SLCO1B3: variants seen among roughly 807,000 people sequenced by gnomAD.
The protein encoded by SLCO1B3 is solute carrier organic anion transporter family member 1B3.
SLCO1B3 carries 72 observed loss-of-function variants against 71.8 expected under a neutral mutation model. The ratio of observed to expected loss-of-function variants is 1.00; its 90% CI spans 0.83 to 1.22. SLCO1B3 has a LOEUF of 1.22. SLCO1B3 is among the 50% of genes most tolerant of loss of function. The pLI, the probability that SLCO1B3 is intolerant of heterozygous loss-of-function variation, is 0.00. For missense variants in SLCO1B3, 911 were observed against 819.7 expected, an observed-to-expected ratio of 1.11 and a Z score of -1.36; for synonymous variants, 298 against 278.4, an observed-to-expected ratio of 1.07 and a Z score of -0.70.
At chr12:20,876,872 C>T (rs1865590504) in intron 9 of SLCO1B3, among the ~76,000 whole-genome samples, 1 of 151,934 alleles carries the variant, frequency 6.6e-6, no homozygotes, top group Non-Finnish European at 1.5e-5. Flanking sequence ...GCTCTGTCAC[C>T]CAGGCTGGAG....
In SLCO1B3 at chr12:20,868,004, C is replaced by T. The variant is rs538210455; in HGVS notation, c.727+5150C>T. Among the ~76,000 whole-genome samples, 30 of 152,242 alleles carry T rather than the reference C, an allele frequency of 2.0e-4. No individual in the cohort carries two copies. In the South Asian group the frequency reaches 4.6e-3, roughly 23 times the overall value. ...GTGAAGAGATGAGGATGATGAAAAG[C>T]GTTATGATGACCCACTTCCACTTAA... On this transcript the variant is annotated intron_variant, in intron 8 of 15. Coordinates refer to ENST00000381545, the MANE Select transcript of SLCO1B3 (RefSeq NM_019844.4).
intron 3 of SLCO1B3, among the ~76,000 whole-genome samples, chr12:20,825,390 T>G (rs1281870089): frequency 1.3e-5 from 2 of 152,158 alleles, no homozygotes; most frequent in African/African-American, 2.4e-5. Context: ...ATGCAGTTTA[T>G]TTTGATTATC....
chr12:20,821,969 G>T (rs1239629422), intron 3 of SLCO1B3, among the ~76,000 whole-genome samples: 1 of 152,104 alleles, frequency 6.6e-6, no homozygotes, highest in Admixed American at 6.5e-5. Flanking sequence ...GTGGTGTCAA[G>T]ATTGAAAGGA....
chr12:20,898,842 C>A lies in SLCO1B3; in HGVS notation c.1747+342C>A, dbSNP rs1053768516. On this transcript the variant is annotated intron_variant, in intron 14 of 15. Transcript: ENST00000381545. The stretch of plus-strand genomic sequence containing the variant: ...TCCCAGGTATACGCAGAGTGGAGGA[C>A]CTTCCTTCCAAATGGAGACATTACT... 1.1e-4 allele frequency among the ~76,000 whole-genome samples: 16 copies of A among 152,246 alleles called. 1 individual carries two copies. Among genetic ancestry groups the A allele is most frequent in the East Asian group, 7.7e-4 (4 of 5,164 alleles).
At chr12:20,880,711 AC>A (rs769665509) in intron 11 of SLCO1B3, 143 bp from the exon 12 acceptor site, 99 of 514,502 alleles carry the variant, frequency 1.9e-4, no homozygotes, top group Middle Eastern at 1.1e-3. Flanking sequence ...TTAAAGGAAA[AC>A]CCTTTCTCTT....
chr12:20,831,168 C>G (rs913430923), intron 3 of SLCO1B3, among the ~76,000 whole-genome samples: 9 of 151,868 alleles, frequency 5.9e-5, no homozygotes, highest in African/African-American at 2.2e-4. Context: ...ACCAGCCTGG[C>G]CAGTATGATG....
chr12:20,841,514 C>CTGCCATAA (rs77656478), intron 3 of SLCO1B3, among the ~76,000 whole-genome samples: 109,872 of 151,816 alleles, frequency 0.72, 42,334 homozygotes, highest in South Asian at 0.9. Flanking sequence ...CATAATTGCA[C>CTGCCATAA]TGTGGCAGAT....
chr12:20,862,020 C>T lies in SLCO1B3; in HGVS notation c.482-392C>T, dbSNP rs145677815. On this transcript the variant is annotated intron_variant, in intron 6 of 15. Coordinates refer to ENST00000381545, the MANE Select transcript of SLCO1B3 (RefSeq NM_019844.4). Reference sequence around the variant, plus strand: ...AACTATTATTCAACACACTACTATGCAGTAATTAAAATTTTAATATAGAAG... The same window carrying T: ...AACTATTATTCAACACACTACTATGTAGTAATTAAAATTTTAATATAGAAG... Among the ~76,000 whole-genome samples the T allele has an allele frequency of 2.5e-3, 377 of 152,082 alleles. 3 individuals are homozygous for T. Among genetic ancestry groups the T allele is most frequent in the African/African-American group, 8.3e-3 (346 of 41,510 alleles).
rs1422187774 is a variant in SLCO1B3, at chr12:20,849,821, C to T, written c.85-5207C>T. 3.3e-5 allele frequency among the ~76,000 whole-genome samples: 5 copies of T among 151,318 alleles called. No homozygotes were observed. In the East Asian group the frequency reaches 9.7e-4, roughly 29 times the overall value. On this transcript the variant is annotated intron_variant, in intron 3 of 15. Coordinates refer to ENST00000381545, the MANE Select transcript of SLCO1B3 (RefSeq NM_019844.4). ...GGAGTAAATCCATTTATCATAGCAT[C>T]TCAAAAATATATATAGGAACAAATT...
intron 3 of SLCO1B3, among the ~76,000 whole-genome samples, chr12:20,818,657 C>T (rs945759834): frequency 2.0e-5 from 3 of 152,074 alleles, no homozygotes; most frequent in African/African-American, 4.8e-5. Context: ...TAGATTTCTA[C>T]GATGGAAAGG....
chr12:20,865,459 G>A (rs529070574), intron 8 of SLCO1B3, among the ~76,000 whole-genome samples: 4 of 151,948 alleles, frequency 2.6e-5, no homozygotes, highest in Admixed American at 6.6e-5. Context: ...GTGTGTTTCC[G>A]TGTGTGTACG....
At chr12:20,831,213 C>T (rs548257341) in intron 3 of SLCO1B3, among the ~76,000 whole-genome samples, 6 of 151,948 alleles carry the variant, frequency 3.9e-5, no homozygotes, top group Admixed American at 6.6e-5. Flanking sequence ...ACAAATTATC[C>T]GGGCGTGGTG....
rs1035297624 is a variant in SLCO1B3 at position 20,879,362 on chromosome 12, G to A, written c.1136-74G>A. ...GGTGAATTTGGTTGATATACACTGT[G>A]TTTTATATATAAAGACATATCAGAA... On this transcript the variant is annotated intron_variant, in intron 10 of 15. Coordinates refer to ENST00000381545, the MANE Select transcript of SLCO1B3 (RefSeq NM_019844.4). 6 of 1,124,974 alleles carry A rather than the reference G, an allele frequency of 5.3e-6. No homozygotes were observed. The Admixed American group carries it at 7.4e-5, about 14-fold the overall frequency. 69.7% of individuals were successfully genotyped at this position (1,124,974 alleles called of 1,614,324 possible). A position where few individuals can be genotyped will look rare whatever the true frequency, so the allele number is the denominator to read the frequency against.
chr12:20,911,613 A>AC (rs1866377831), intron 15 of SLCO1B3, among the ~76,000 whole-genome samples: 1 of 152,186 alleles, frequency 6.6e-6, no homozygotes, highest in South Asian at 2.1e-4. Flanking sequence ...CATTTCTTTA[A>AC]CAGATATAGA....
At chr12:20,867,816 G>A (rs1185639150) in intron 8 of SLCO1B3, among the ~76,000 whole-genome samples, 1 of 152,112 alleles carries the variant, frequency 6.6e-6, no homozygotes, top group Non-Finnish European at 1.5e-5. Context: ...CACACTGTGT[G>A]TACCTGTCTT....
chr12:20,855,179 A>AT lies in SLCO1B3; in HGVS notation c.226+16dup. 7 of 1,595,552 alleles carry AT rather than the reference A, an allele frequency of 4.4e-6. No homozygotes were observed. The highest frequency in any genetic ancestry group is 5.1e-6 in the Non-Finnish European group (6 of 1,168,148). ...GGAAGCTTTGAAATTGGTAACTTTT[A>AT]TTTTTTCTATTTGATAACCATACTT... is the stretch of plus-strand genomic sequence containing the variant. On this transcript the variant is annotated intron_variant, in intron 4 of 15. Transcript: ENST00000381545.
At chr12:20,882,564 C>T (rs921362306) in intron 12 of SLCO1B3, among the ~76,000 whole-genome samples, 10 of 149,594 alleles carry the variant, frequency 6.7e-5, no homozygotes, top group East Asian at 5.8e-4. Flanking sequence ...CCACCACACC[C>T]GGCTAATTTT....
chr12:20,879,366 T>G (rs1286034941), intron 10 of SLCO1B3, 70 bp from the exon 11 acceptor site: 2 of 1,147,450 alleles, frequency 1.7e-6, no homozygotes, highest in Non-Finnish European at 2.5e-6. Context: ...CACTGTGTTT[T>G]ATATATAAAG....
At chr12:20,880,751 C>G in intron 11 of SLCO1B3, 104 bp from the exon 12 acceptor site, 1 of 626,308 alleles carries the variant, frequency 1.6e-6, no homozygotes, top group Non-Finnish European at 2.5e-6. Flanking sequence ...TCTTCTCTTC[C>G]TCCTCCTCTA....
Sources: allele counts gnomAD v4.1 joint callset (sites outside exome capture counted in the v4.1 genomes callset), GRCh38; gene constraint gnomAD v4.1.1; transcripts MANE v1.5; gene names NCBI Gene and HGNC (gene_info 2026-07-23, HGNC 2026-07-21).